The following POU6F2 variants were observed in gnomAD, a reference collection of about 807,000 sequenced individuals.
The protein encoded by POU6F2 is POU domain, class 6, transcription factor 2.
A neutral mutation model predicts 71.3 loss-of-function variants in POU6F2; 31 were observed. The observed-to-expected ratio is 0.43, with a 90% CI of 0.33 to 0.59. POU6F2 has a LOEUF of 0.59. Ranked by LOEUF, POU6F2 falls within the 20% of genes least tolerant of loss-of-function variation. The pLI, the probability that POU6F2 is intolerant of heterozygous loss-of-function variation, is 0.04. For missense variants in POU6F2, 783 were observed against 856.8 expected, an observed-to-expected ratio of 0.91 and a Z score of 1.07; for synonymous variants, 347 against 355.7, an observed-to-expected ratio of 0.98 and a Z score of 0.27.
At chr7:39,309,738 C>T (rs6972937) in intron 4 of POU6F2, among the ~76,000 whole-genome samples, 8,547 of 152,228 alleles carry the variant, frequency 0.056, 376 homozygotes, top group African/African-American at 0.11. Flanking sequence ...CAACTATATA[C>T]GAGTTGGTGA....
chr7:39,005,512 G>GTGTGTA (rs1789036735), intron 1 of POU6F2, among the ~76,000 whole-genome samples: 2 of 151,876 alleles, frequency 1.3e-5, no homozygotes, highest in African/African-American at 4.8e-5. Flanking sequence ...GTGTGTGTGT[G>GTGTGTA]TGTTTATGTT....
chr7:39,151,466 C>G (rs951726855), intron 2 of POU6F2, among the ~76,000 whole-genome samples: 1 of 152,158 alleles, frequency 6.6e-6, no homozygotes, highest in Non-Finnish European at 1.5e-5. Context: ...GCTGGGACCA[C>G]AAGTTCAAAT....
At chr7:39,007,832 C>T in intron 1 of POU6F2, among the ~76,000 whole-genome samples, 1 of 151,492 alleles carries the variant, frequency 6.6e-6, no homozygotes, top group Non-Finnish European at 1.5e-5. Flanking sequence ...CAATTTCATC[C>T]ATGTCCCTAC....
intron 2 of POU6F2, among the ~76,000 whole-genome samples, chr7:39,198,757 G>T (rs1793833936): frequency 6.6e-6 from 1 of 152,130 alleles, no homozygotes; most frequent in Non-Finnish European, 1.5e-5. Flanking sequence ...ATTCTAACTG[G>T]CAATAAAAAG....
chr7:39,077,584 G>A (rs1791026483), intron 1 of POU6F2, among the ~76,000 whole-genome samples: 1 of 152,182 alleles, frequency 6.6e-6, no homozygotes, highest in Admixed American at 6.5e-5. Flanking sequence ...GGTGGGACTT[G>A]GAGAGGGATA....
intron 1 of POU6F2, among the ~76,000 whole-genome samples, chr7:39,023,836 G>A (rs1302988353): frequency 1.3e-5 from 2 of 151,986 alleles, no homozygotes; most frequent in Non-Finnish European, 2.9e-5. Flanking sequence ...TTTACAAATG[G>A]AGAAACTGAA....
intron 2 of POU6F2, among the ~76,000 whole-genome samples, chr7:39,170,994 T>A (rs1420034832): frequency 6.6e-6 from 1 of 150,402 alleles, no homozygotes; most frequent in African/African-American, 2.4e-5. Context: ...AGAATTAGAA[T>A]TTAAATGTAG....
At chr7:39,311,970 G>T (rs896643618) in intron 4 of POU6F2, among the ~76,000 whole-genome samples, 8 of 152,136 alleles carry the variant, frequency 5.3e-5, no homozygotes, top group African/African-American at 2.4e-5. Context: ...AACATGATTA[G>T]AGAATGGAAT....
intron 2 of POU6F2, among the ~76,000 whole-genome samples, chr7:39,181,188 G>T (rs1183405502): frequency 6.7e-6 from 1 of 149,966 alleles, no homozygotes; most frequent in Non-Finnish European, 1.5e-5. Flanking sequence ...GGCATCAGAA[G>T]GAGGTTGGGA....
At chr7:39,035,107 ATAAT>A (rs1414647322) in intron 1 of POU6F2, among the ~76,000 whole-genome samples, 1 of 151,420 alleles carries the variant, frequency 6.6e-6, no homozygotes. Context: ...ATATTTTTAA[ATAAT>A]TATATTTTTT....
chr7:39,321,997 GTT>G (rs1785406263), intron 4 of POU6F2, among the ~76,000 whole-genome samples: 1 of 152,066 alleles, frequency 6.6e-6, no homozygotes, highest in Non-Finnish European at 1.5e-5. Flanking sequence ...GTACCTTATA[GTT>G]TTGAGTTGCT....
At chr7:39,147,704 G>T (rs1792651486) in intron 2 of POU6F2, among the ~76,000 whole-genome samples, 1 of 152,102 alleles carries the variant, frequency 6.6e-6, no homozygotes. Flanking sequence ...TGGATTATTG[G>T]AGGAACATGG....
intron 4 of POU6F2, among the ~76,000 whole-genome samples, chr7:39,228,067 T>C (rs1275489301): frequency 1.3e-5 from 2 of 152,214 alleles, no homozygotes; most frequent in Non-Finnish European, 2.9e-5. Flanking sequence ...ATGCAGCTTT[T>C]ACATTCTAGG....
At chr7:39,231,369 A>C (rs1452815507) in intron 4 of POU6F2, among the ~76,000 whole-genome samples, 1 of 152,156 alleles carries the variant, frequency 6.6e-6, no homozygotes, top group Non-Finnish European at 1.5e-5. Context: ...AGCAATGATA[A>C]TAGGTAGCAG....
chr7:39,009,130 C>T (rs1260912768), intron 1 of POU6F2, among the ~76,000 whole-genome samples: 19 of 151,804 alleles, frequency 1.3e-4, no homozygotes, highest in East Asian at 3.9e-4. Context: ...GTCATTTTCA[C>T]GATATTGATT....
At chr7:39,455,728 AC>A (rs202137943) in intron 8 of POU6F2, among the ~76,000 whole-genome samples, 4,440 of 152,178 alleles carry the variant, frequency 0.029, 158 homozygotes, top group African/African-American at 0.089. Context: ...ATTTAAAAAA[AC>A]AAACAAACAG....
In POU6F2 at chr7:39,280,943, C is replaced by T. The variant is rs557550910; in HGVS notation, c.599-58699C>T. On this transcript the variant is annotated intron_variant, in intron 4 of 9. Coordinates refer to ENST00000518318, the MANE Select transcript of POU6F2 (RefSeq NM_001370959.1). ...AAACAGTTATGATCTTGCCAGAAAC[C>T]GGAGCACCCTCGTGCAAAATCTCCT... is the stretch of plus-strand genomic sequence containing the variant. Among the ~76,000 whole-genome samples the T allele has an allele frequency of 5.9e-5, 9 of 152,234 alleles. No homozygotes were observed. The South Asian group carries it at 1.2e-3, about 21-fold the overall frequency.
chr7:39,260,126 C>A (rs1172628968), intron 4 of POU6F2, among the ~76,000 whole-genome samples: 1 of 144,886 alleles, frequency 6.9e-6, no homozygotes, highest in Admixed American at 6.8e-5. Context: ...ACACACAATA[C>A]CACACACACC....
At chr7:39,198,543 C>T (rs932474053) in intron 2 of POU6F2, among the ~76,000 whole-genome samples, 1 of 152,198 alleles carries the variant, frequency 6.6e-6, no homozygotes, top group African/African-American at 2.4e-5. Context: ...TGTAATCAGA[C>T]AGTCTTGGTT....
Sources: allele counts gnomAD v4.1 joint callset (sites outside exome capture counted in the v4.1 genomes callset), GRCh38; gene constraint gnomAD v4.1.1; transcripts MANE v1.5; gene names NCBI Gene and HGNC (gene_info 2026-07-23, HGNC 2026-07-21).